The following NFATC2 variants were observed in gnomAD, a reference collection of about 807,000 sequenced individuals.
The protein encoded by NFATC2 is nuclear factor of activated T cells 2.
NFATC2 carries 22 observed loss-of-function variants against 87.3 expected under a neutral mutation model. The observed-to-expected ratio is 0.25, with a 90% CI of 0.18 to 0.36. The LOEUF is 0.36. Among genes scored for constraint, NFATC2 ranks in the 10% least tolerant of loss-of-function variants. NFATC2 has a pLI of 1.00. For missense variants in NFATC2, 1,149 were observed against 1,259.1 expected, an observed-to-expected ratio of 0.91 and a Z score of 1.32; for synonymous variants, 565 against 542.2, an observed-to-expected ratio of 1.04 and a Z score of -0.58.
intron 5 of NFATC2, among the ~76,000 whole-genome samples, chr20:51,458,683 A>G (rs1986827653): frequency 6.6e-6 from 1 of 151,176 alleles, no homozygotes; most frequent in Non-Finnish European, 1.5e-5. Flanking sequence ...TGGTGGTGGC[A>G]TGTGTCTGTA....
intron 1 of NFATC2, among the ~76,000 whole-genome samples, chr20:51,527,456 T>G (rs1431903919): frequency 6.6e-6 from 1 of 152,130 alleles, no homozygotes. Context: ...ACTGAGGAAC[T>G]GTGGAGTGCT....
At chr20:51,560,811 G>A (rs763992813) in intron 1 of NFATC2, among the ~76,000 whole-genome samples, 1 of 152,170 alleles carries the variant, frequency 6.6e-6, no homozygotes. Flanking sequence ...TTGAACACGC[G>A]CACACAAAAT....
intron 3 of NFATC2, among the ~76,000 whole-genome samples, chr20:51,503,405 T>G (rs1255884781): frequency 1.2e-4 from 19 of 152,218 alleles, no homozygotes; most frequent in Non-Finnish European, 2.9e-5. Flanking sequence ...GAAGGTCAAA[T>G]TATCCTTGCT....
intron 5 of NFATC2, among the ~76,000 whole-genome samples, chr20:51,473,034 G>A (rs1022025485): frequency 1.3e-5 from 2 of 152,204 alleles, no homozygotes; most frequent in Non-Finnish European, 2.9e-5. Context: ...TGTATAAGTA[G>A]ACTTTAAACT....
At chr20:51,530,874 T>C (rs562590419) in intron 1 of NFATC2, among the ~76,000 whole-genome samples, 2 of 152,306 alleles carry the variant, frequency 1.3e-5, no homozygotes, top group South Asian at 4.1e-4. Flanking sequence ...GAGTCCCACA[T>C]TGAAGTCTAT....
chr20:51,475,390 A>G, intron 4 of NFATC2, 68 bp downstream of exon 4: 1 of 1,529,522 alleles, frequency 6.5e-7, no homozygotes, highest in Non-Finnish European at 9.0e-7. Context: ...CCCTCTCCCA[A>G]ATCCCTGCCA....
Position 51,447,757 on chromosome 20 carries a change from T to C in NFATC2, c.1849+6791A>G, listed in dbSNP as rs1985258143. On this transcript the variant is annotated intron_variant, in intron 6 of 10. Transcript: ENST00000371564. The stretch of plus-strand genomic sequence containing the variant: ...CACATTTTTTAAATTTCAGAGAACA[T>C]CCAAATGGCTTTTCAGCAATTACTG... Among the ~76,000 whole-genome samples, 2 of 152,200 alleles carry C rather than the reference T, an allele frequency of 1.3e-5. 1 individual carries two copies. Among genetic ancestry groups the C allele is most frequent in the Admixed American group, 1.3e-4 (2 of 15,280 alleles).
Position 51,391,433 on chromosome 20 carries a change from T to G in NFATC2, c.*63A>C. On this transcript the variant is annotated 3_prime_UTR_variant, in exon 11 of 11. Coordinates refer to ENST00000371564, the MANE Select transcript of NFATC2 (RefSeq NM_012340.5). ...TCTGGCAGGAGGTCCTGAAAACTCC[T>G]TCCTGATAATTTCATTAACTACAAA... The G allele has an allele frequency of 1.3e-6, 2 of 1,517,588 alleles. No homozygotes were observed. The highest frequency in any genetic ancestry group is 1.8e-6 in the Non-Finnish European group (2 of 1,123,388). 94.0% of individuals were successfully genotyped at this position (1,517,588 alleles called of 1,614,324 possible).
intron 5 of NFATC2, among the ~76,000 whole-genome samples, chr20:51,465,463 G>A (rs1032744549): frequency 6.6e-6 from 1 of 151,952 alleles, no homozygotes; most frequent in Non-Finnish European, 1.5e-5. Flanking sequence ...AATAAAATCC[G>A]AATCCCCCAG....
chr20:51,408,754 A>G (rs147363476), intron 9 of NFATC2, among the ~76,000 whole-genome samples: 1 of 152,292 alleles, frequency 6.6e-6, no homozygotes, highest in East Asian at 1.9e-4. Flanking sequence ...ACTATAGGAG[A>G]ATCTCTTTGT....
intron 3 of NFATC2, among the ~76,000 whole-genome samples, chr20:51,500,191 A>T (rs1257350934): frequency 6.6e-6 from 1 of 152,194 alleles, no homozygotes; most frequent in Non-Finnish European, 1.5e-5. Flanking sequence ...AGCCCTCAGT[A>T]AAATGGTAGC....
intron 1 of NFATC2, among the ~76,000 whole-genome samples, chr20:51,536,885 T>G (rs2076729273): frequency 6.9e-6 from 1 of 145,350 alleles, no homozygotes; most frequent in Admixed American, 6.9e-5. Context: ...AACACTATTT[T>G]TAGCAAGCAC....
chr20:51,556,774 C>G (rs1329804530), intron 1 of NFATC2, among the ~76,000 whole-genome samples: 1 of 152,112 alleles, frequency 6.6e-6, no homozygotes, highest in Non-Finnish European at 1.5e-5. Flanking sequence ...TGCTGGAGCC[C>G]GGAGCCCCGG....
rs763285660 is a variant in NFATC2 at position 51,411,820 on chromosome 20, G to A, written c.2723-13090C>T. On this transcript the variant is annotated intron_variant, in intron 9 of 10. Transcript: ENST00000371564. ...CGAAATTCCAGGTGTGAGCCACCGC[G>A]CCTGGCCTGAAGCAATGCTCTTTGA... Among the ~76,000 whole-genome samples, 4 of 152,116 alleles carry A rather than the reference G, an allele frequency of 2.6e-5. 1 individual carries two copies.
intron 1 of NFATC2, among the ~76,000 whole-genome samples, chr20:51,540,647 G>GTTTTTTTTTGTTTTTTTTT (rs2076793708): frequency 8.9e-6 from 1 of 112,972 alleles, no homozygotes; most frequent in Admixed American, 8.7e-5. Context: ...AAAAACTGAA[G>GTTTTTTTTTGTTTTTTTTT]TTTTTTTTTT....
At chr20:51,415,140 G>C (rs1979862767) in intron 9 of NFATC2, among the ~76,000 whole-genome samples, 1 of 151,836 alleles carries the variant, frequency 6.6e-6, no homozygotes, top group Non-Finnish European at 1.5e-5. Context: ...CAGCTACTTG[G>C]GGAGCTGAGG....
At chr20:51,545,802 T>C (rs747266701), upstream of NFATC2, among the ~76,000 whole-genome samples, 11 of 151,924 alleles carry the variant, frequency 7.2e-5, no homozygotes, top group Non-Finnish European at 1.3e-4. Context: ...GATAAATGGA[T>C]AAATGGATGA....
At position 51,524,304 on chromosome 20, in the gene NFATC2, G is replaced by A. The variant is rs1399548099; in HGVS notation, c.131-194C>T. On this transcript the variant is annotated intron_variant, in intron 1 of 10. Coordinates refer to ENST00000371564, the MANE Select transcript of NFATC2 (RefSeq NM_012340.5). This position sits in a 1 kb window ranked among gnomAD's most constrained non-coding sequence, Gnocchi z 4.0. ...CACTTTGTCCCAGGTCCCTGGAGAA[G>A]ACAGGTCGAAGCAGAATGAGTTCTG... Among the ~76,000 whole-genome samples, 1 of 152,166 alleles carries A rather than the reference G, an allele frequency of 6.6e-6. No homozygotes were observed. The highest frequency in any genetic ancestry group is 1.5e-5 in the Non-Finnish European group (1 of 68,034).
At chr20:51,500,218 A>G (rs978941699) in intron 3 of NFATC2, among the ~76,000 whole-genome samples, 17 of 152,136 alleles carry the variant, frequency 1.1e-4, no homozygotes, top group South Asian at 4.1e-4. Flanking sequence ...CCTCAGTAAA[A>G]TGATACATGA....
Sources: allele counts gnomAD v4.1 joint callset (sites outside exome capture counted in the v4.1 genomes callset), GRCh38; gene constraint gnomAD v4.1.1; non-coding constraint Gnocchi (gnomAD v3.1); transcripts MANE v1.5; gene names NCBI Gene and HGNC (gene_info 2026-07-23, HGNC 2026-07-21).